Variants in P2RY12 observed in about 807,000 individuals in gnomAD.
P2RY12 encodes purinergic receptor P2Y12, also known as P2Y purinoceptor 12.
In P2RY12, 3 loss-of-function variants were observed where a neutral mutation model predicts 4.5. That is an observed-to-expected ratio of 0.67 (90% CI 0.31 to 1.74). The LOEUF is 1.74. Ranked by LOEUF, P2RY12 falls within the 40% of genes most tolerant of loss-of-function variation. P2RY12 has a pLI of 0.09. For synonymous variants in P2RY12, 148 were observed against 154.1 expected (o/e 0.96, Z 0.29); for missense variants, 356 against 407.8 (o/e 0.87, Z 1.09).
chr3:151,356,145 A>G (rs1003477179), intron 1 of P2RY12: 8 of 1,232,476 alleles, frequency 6.5e-6, no homozygotes, highest in Non-Finnish European at 8.9e-6. Context: ...TGTGCTTGTA[A>G]TCCTGGCACT....
Position 151,338,375 on chromosome 3 carries a change from CAA to C in P2RY12, c.469_470del (p.Leu157AlafsTer2). 1 of 1,614,002 alleles carries C rather than the reference CAA, an allele frequency of 6.2e-7. No individual in the cohort carries two copies. The highest frequency in any genetic ancestry group is 8.5e-7 in the Non-Finnish European group (1 of 1,179,994). On this transcript the variant is annotated frameshift_variant, in exon 3 of 3. Transcript: ENST00000302632. LOFTEE classifies it high-confidence loss of function. ...GCCTGTTGGTCAGAATCATGTTAGG[CAA>C]AGAGAGTAAGAACATGAATGCCCAG... is the stretch of plus-strand genomic sequence containing the variant. The part of the protein sequence containing the change: ...VIWAFMFLLS[L>X]PNMILTNRQP...
At chr3:151,368,636 TTTC>T (rs1560086952) in intron 1 of P2RY12, among the ~76,000 whole-genome samples, 1,809 of 62,606 alleles carry the variant, frequency 0.029, 17 homozygotes, top group African/African-American at 0.055. Context: ...TTTTATTTCA[TTTC>T]ATTTCATTTC....
chr3:151,342,899 C>G (rs1752051244), intron 1 of P2RY12, among the ~76,000 whole-genome samples: 1 of 152,120 alleles, frequency 6.6e-6, no homozygotes, highest in Admixed American at 6.6e-5. Context: ...TATTAATAAT[C>G]TCAACTATTC....
intron 1 of P2RY12, chr3:151,355,812 G>A: frequency 7.9e-7 from 1 of 1,259,684 alleles, no homozygotes; most frequent in Admixed American, 2.4e-5. Context: ...AGATTCAACT[G>A]TCTTAAAAAG....
intron 1 of P2RY12, among the ~76,000 whole-genome samples, chr3:151,352,798 T>C (rs1480447540): frequency 2.6e-5 from 4 of 152,132 alleles, no homozygotes; most frequent in Non-Finnish European, 5.9e-5. Context: ...CTTTTGAAAA[T>C]ATTAGTGAAG....
chr3:151,343,686 G>T (rs1206401938), intron 1 of P2RY12, among the ~76,000 whole-genome samples: 1 of 152,148 alleles, frequency 6.6e-6, no homozygotes. Context: ...ACTTTGGTTG[G>T]TTTGGTTATT....
chr3:151,358,451 A>G (rs1481979644), intron 1 of P2RY12, among the ~76,000 whole-genome samples: 1 of 152,162 alleles, frequency 6.6e-6, no homozygotes, highest in East Asian at 1.9e-4. Flanking sequence ...TTTAATAAAA[A>G]TCTTTCGAAC....
In P2RY12 at chr3:151,338,817, G is replaced by A. The variant is rs771379536; in HGVS notation, c.29C>T (p.Ala10Val). The A allele has an allele frequency of 3.6e-5, 58 of 1,613,682 alleles. No homozygotes were observed. The highest frequency in any genetic ancestry group is 3.3e-4 in the Middle Eastern group (2 of 6,080). Reference sequence around the variant, plus strand: ...GGTGCACAGACTGGTGTTACCAGGCGCAGAGGTGAGGTTGTCGACGGCTTG... The same window carrying A: ...GGTGCACAGACTGGTGTTACCAGGCACAGAGGTGAGGTTGTCGACGGCTTG... MQAVDNLTS[A>V]PGNTSLCTRD... Residue 10 changes from alanine to valine, a missense_variant, in exon 3 of 3, where the codon GCG (alanine) becomes GTG (valine). Coordinates refer to ENST00000302632, the MANE Select transcript of P2RY12 (RefSeq NM_022788.5).
At chr3:151,363,559 G>A (rs1262015743) in intron 1 of P2RY12, among the ~76,000 whole-genome samples, 1 of 152,146 alleles carries the variant, frequency 6.6e-6, no homozygotes, top group Non-Finnish European at 1.5e-5. Context: ...TCAAGAAACT[G>A]AAAATGTCAT....
At chr3:151,373,281 C>G (rs1419421575) in intron 1 of P2RY12, among the ~76,000 whole-genome samples, 1 of 152,114 alleles carries the variant, frequency 6.6e-6, no homozygotes, top group Non-Finnish European at 1.5e-5. Context: ...ATCTTGAGTT[C>G]TTTCAGGTAA....
chr3:151,376,852 T>A, intron 1 of P2RY12: 1 of 1,614,072 alleles, frequency 6.2e-7, no homozygotes, highest in Non-Finnish European at 8.5e-7. Flanking sequence ...CAGCTAATGA[T>A]CAAACAGTGC....
At chr3:151,373,901 G>A (rs1756498698) in intron 1 of P2RY12, among the ~76,000 whole-genome samples, 1 of 152,120 alleles carries the variant, frequency 6.6e-6, no homozygotes, top group Non-Finnish European at 1.5e-5. Context: ...TGGGTATTAT[G>A]TATGCTCATG....
At chr3:151,375,466 C>A (rs372894469) in intron 1 of P2RY12, among the ~76,000 whole-genome samples, 4 of 152,244 alleles carry the variant, frequency 2.6e-5, no homozygotes, top group African/African-American at 7.2e-5. Context: ...TATAGCCCCC[C>A]ACTCACACTG....
At chr3:151,381,325 C>T (rs901942469) in intron 1 of P2RY12, among the ~76,000 whole-genome samples, 3 of 152,130 alleles carry the variant, frequency 2.0e-5, no homozygotes, top group African/African-American at 7.2e-5. Flanking sequence ...ATATAGCAAT[C>T]ATAGTGAACC....
chr3:151,353,108 T>C (rs1168174102), intron 1 of P2RY12, among the ~76,000 whole-genome samples: 2 of 152,172 alleles, frequency 1.3e-5, no homozygotes, highest in Non-Finnish European at 2.9e-5. Flanking sequence ...CATAGATAAA[T>C]GGAGTCCATT....
chr3:151,371,106 C>T (rs1378508136), intron 1 of P2RY12, among the ~76,000 whole-genome samples: 1 of 152,162 alleles, frequency 6.6e-6, no homozygotes, highest in Non-Finnish European at 1.5e-5. Context: ...TGAGGATCTC[C>T]TAGTATGGGG....
chr3:151,364,834 A>C, intron 1 of P2RY12: 1 of 617,220 alleles, frequency 1.6e-6, no homozygotes, highest in Middle Eastern at 4.5e-4. Context: ...CCAATTAGTA[A>C]GAAGTTCTAA....
rs1200870948 is a variant in P2RY12, at chr3:151,338,526, G to GT, written c.319dup (p.Thr107AsnfsTer25). The GT allele has an allele frequency of 4.3e-6, 7 of 1,613,762 alleles. No homozygotes were observed. The highest frequency in any genetic ancestry group is 5.9e-6 in the Non-Finnish European group (7 of 1,179,956). Reference sequence around the variant, plus strand: ...CAGGAATGAAATACTGATATACATTGTGAAATAAAATATGACGGAGGTAAC... The same window carrying GT: ...CAGGAATGAAATACTGATATACATTGTTGAAATAAAATATGACGGAGGTAAC... On this transcript the variant is annotated frameshift_variant, in exon 3 of 3. Coordinates refer to ENST00000302632, the MANE Select transcript of P2RY12 (RefSeq NM_022788.5). LOFTEE classifies it high-confidence loss of function.
chr3:151,362,060 C>T (rs540398012), intron 1 of P2RY12, among the ~76,000 whole-genome samples: 15 of 151,772 alleles, frequency 9.9e-5, no homozygotes, highest in Admixed American at 2.0e-4. Flanking sequence ...TGTCATACCT[C>T]GTATCCAGTT....
Sources: gnomAD v4.1 joint callset for allele counts (sites outside exome capture counted in the v4.1 genomes callset) on GRCh38, gnomAD v4.1.1 for gene constraint, MANE v1.5 for transcripts, NCBI Gene and HGNC (gene_info 2026-07-23, HGNC 2026-07-21) for gene names.